TSHZ2: variants seen among roughly 807,000 people sequenced by gnomAD.
TSHZ2 encodes teashirt zinc finger homeobox 2.
A neutral mutation model predicts 74.4 loss-of-function variants in TSHZ2; 21 were observed. The ratio of observed to expected loss-of-function variants is 0.28; its 90% CI spans 0.20 to 0.41. The LOEUF is 0.41. Ranked by LOEUF, TSHZ2 falls within the 10% of genes least tolerant of loss-of-function variation. The pLI is 1.00. For missense variants in TSHZ2, 1,244 were observed against 1,293.5 expected (o/e 0.96, Z 0.59); for synonymous variants, 540 against 515.3 (o/e 1.05, Z -0.65).
intron 1 of TSHZ2, among the ~76,000 whole-genome samples, chr20:53,202,601 A>G (rs555181066): frequency 1.3e-5 from 2 of 152,318 alleles, no homozygotes; most frequent in South Asian, 4.1e-4. Flanking sequence ...AACCCATTCT[A>G]CAGATGAAGA....
chr20:53,218,817 A>T (rs2123634308), intron 1 of TSHZ2, among the ~76,000 whole-genome samples: 1 of 152,374 alleles, frequency 6.6e-6, no homozygotes, highest in African/African-American at 2.4e-5. Context: ...AGATATTCTA[A>T]AATATTCATA....
Position 52,972,826 on chromosome 20 carries a change from CT to C in TSHZ2, c.-458del, listed in dbSNP as rs536174829. The stretch of plus-strand genomic sequence containing the variant: ...AAACCCACTACCTTCCCAGGATTGC[CT>C]TTTTTTTTTCCTTATCTTTACGCGC... On this transcript the variant is annotated 5_prime_UTR_variant, in exon 1 of 3. Coordinates refer to ENST00000371497, the MANE Select transcript of TSHZ2 (RefSeq NM_173485.6). 308 of 174,992 alleles carry C rather than the reference CT, an allele frequency of 1.8e-3. No individual in the cohort carries two copies. Among genetic ancestry groups the C allele is most frequent in the Middle Eastern group, 6.2e-3 (3 of 482 alleles). 10.8% of individuals were successfully genotyped at this position (174,992 alleles called of 1,614,324 possible).
chr20:53,458,078 T>A (rs570898564), intron 2 of TSHZ2, among the ~76,000 whole-genome samples: 112 of 152,202 alleles, frequency 7.4e-4, no homozygotes, highest in African/African-American at 2.1e-3. Flanking sequence ...CCTCATAAAA[T>A]GAGTTAGGGA....
At chr20:53,324,744 C>A (rs1979423334) in intron 2 of TSHZ2, among the ~76,000 whole-genome samples, 1 of 152,164 alleles carries the variant, frequency 6.6e-6, no homozygotes. Context: ...CTCCTGTAAT[C>A]CTGTGGCACT....
intron 1 of TSHZ2, among the ~76,000 whole-genome samples, chr20:53,204,952 C>T (rs1446695871): frequency 6.6e-6 from 1 of 151,630 alleles, no homozygotes; most frequent in Non-Finnish European, 1.5e-5. Context: ...AATTAGCCGG[C>T]GCCATGTGTG....
intron 1 of TSHZ2, among the ~76,000 whole-genome samples, chr20:53,161,524 T>A (rs971454503): frequency 1.3e-5 from 2 of 152,226 alleles, no homozygotes; most frequent in Non-Finnish European, 2.9e-5. Flanking sequence ...CAGTTCTGCA[T>A]GGCTGGGTAG....
At chr20:53,450,971 A>G (rs1984756452) in intron 2 of TSHZ2, among the ~76,000 whole-genome samples, 1 of 152,052 alleles carries the variant, frequency 6.6e-6, no homozygotes, top group Non-Finnish European at 1.5e-5. Flanking sequence ...AGAAGCCCAG[A>G]GGGAAAAAAA....
intron 1 of TSHZ2, among the ~76,000 whole-genome samples, chr20:53,153,411 G>C (rs576301713): frequency 9.9e-5 from 15 of 152,282 alleles, no homozygotes; most frequent in African/African-American, 1.2e-4. Flanking sequence ...GGCTGTAGAT[G>C]ACCACATCAA....
intron 2 of TSHZ2, among the ~76,000 whole-genome samples, chr20:53,352,491 G>A (rs1980686204): frequency 6.6e-6 from 1 of 151,958 alleles, no homozygotes; most frequent in Non-Finnish European, 1.5e-5. Flanking sequence ...AAGAAATAAG[G>A]TGGGAAGTCT....
At chr20:53,143,002 A>C (rs1987444851) in intron 1 of TSHZ2, among the ~76,000 whole-genome samples, 1 of 152,156 alleles carries the variant, frequency 6.6e-6, no homozygotes, top group Non-Finnish European at 1.5e-5. Flanking sequence ...TCCGGCGCTG[A>C]CGTGACCCGC....
chr20:53,211,012 A>C (rs1989291368), intron 1 of TSHZ2, among the ~76,000 whole-genome samples: 1 of 152,196 alleles, frequency 6.6e-6, no homozygotes, highest in Non-Finnish European at 1.5e-5. Flanking sequence ...CAAATGGATA[A>C]TTATGTTCTC....
At chr20:53,439,218 C>G (rs974382949) in intron 2 of TSHZ2, among the ~76,000 whole-genome samples, 1 of 152,200 alleles carries the variant, frequency 6.6e-6, no homozygotes, top group African/African-American at 2.4e-5. Context: ...GATCACACAT[C>G]ATTTTGAGTA....
chr20:53,086,616 C>T (rs1483070394), intron 1 of TSHZ2, among the ~76,000 whole-genome samples: 1 of 152,058 alleles, frequency 6.6e-6, no homozygotes, highest in Non-Finnish European at 1.5e-5. Context: ...TCCCTGGTGG[C>T]CTTAACCATA....
intron 1 of TSHZ2, among the ~76,000 whole-genome samples, chr20:53,117,775 T>C (rs1297055975): frequency 6.6e-6 from 1 of 152,210 alleles, no homozygotes; most frequent in Non-Finnish European, 1.5e-5. Flanking sequence ...AGCAAGTGCA[T>C]TCAAGGCACC....
chr20:53,081,450 C>T (rs1985530907), intron 1 of TSHZ2, among the ~76,000 whole-genome samples: 1 of 152,198 alleles, frequency 6.6e-6, no homozygotes, highest in Non-Finnish European at 1.5e-5. Flanking sequence ...GAAAACTGCA[C>T]CCAGCTGAAC....
rs1424305455 is a variant in TSHZ2 at position 53,074,318 on chromosome 20, A to G, written c.40+100985A>G. Among the ~76,000 whole-genome samples the G allele has an allele frequency of 3.3e-5, 5 of 152,254 alleles. No homozygotes were observed. The highest frequency in any genetic ancestry group is 7.2e-5 in the African/African-American group (3 of 41,470). Reference sequence around the variant, plus strand: ...ACATTGCTGAAATTATGTCCTAAGTATCAGTCCTTTCTACTGGATTTTGAG... The same window carrying G: ...ACATTGCTGAAATTATGTCCTAAGTGTCAGTCCTTTCTACTGGATTTTGAG... On this transcript the variant is annotated intron_variant, in intron 1 of 2. Transcript: ENST00000371497. The surrounding 1 kb of genome is among the most constrained non-coding windows in gnomAD (Gnocchi z 5.9).
intron 2 of TSHZ2, among the ~76,000 whole-genome samples, chr20:53,305,872 G>T (rs1233478025): frequency 6.6e-6 from 1 of 152,052 alleles, no homozygotes; most frequent in East Asian, 1.9e-4. Flanking sequence ...CAGCTACCTG[G>T]GAGGCTGAGG....
At chr20:53,286,091 G>A (rs1339716919) in intron 2 of TSHZ2, among the ~76,000 whole-genome samples, 4 of 152,168 alleles carry the variant, frequency 2.6e-5, no homozygotes, top group Non-Finnish European at 5.9e-5. Context: ...CGAGCTCAGT[G>A]GAAAATGTTT....
At chr20:53,032,686 T>A (rs991722060) in intron 1 of TSHZ2, among the ~76,000 whole-genome samples, 1 of 152,100 alleles carries the variant, frequency 6.6e-6, no homozygotes, top group African/African-American at 2.4e-5. Flanking sequence ...TGATGGGGAT[T>A]TGTGAGAACC....
Sources: gnomAD v4.1 joint callset for allele counts (sites outside exome capture counted in the v4.1 genomes callset) on GRCh38, gnomAD v4.1.1 for gene constraint, Gnocchi (gnomAD v3.1) non-coding constraint, MANE v1.5 for transcripts, NCBI Gene and HGNC (gene_info 2026-07-23, HGNC 2026-07-21) for gene names.